The following PEBP4 variants were observed in gnomAD, a reference collection of about 807,000 sequenced individuals.
PEBP4 encodes the protein phosphatidylethanolamine binding protein 4, also known as phosphatidylethanolamine-binding protein 4.
A neutral mutation model predicts 23.9 loss-of-function variants in PEBP4; 22 were observed. The ratio of observed to expected loss-of-function variants is 0.92; its 90% CI spans 0.66 to 1.31. The LOEUF is 1.31. Among genes scored for constraint, PEBP4 ranks in the 40% most tolerant of loss-of-function variants. The pLI, the probability that PEBP4 is intolerant of heterozygous loss-of-function variation, is 0.00. For synonymous variants in PEBP4, 112 were observed against 99.3 expected (o/e 1.13, Z -0.76); for missense variants, 324 against 281.7 (o/e 1.15, Z -1.07).
intron 4 of PEBP4, among the ~76,000 whole-genome samples, chr8:22,795,163 A>ATTTTTTTTTTTTT (rs33911395): frequency 4.2e-5 from 2 of 47,342 alleles, no homozygotes; most frequent in Non-Finnish European, 6.8e-5. Context: ...ATATATATAT[A>ATTTTTTTTTTTTT]TTTTTTTTTT....
In PEBP4 at chr8:22,898,391, C is replaced by CAAAAAAAAAAAAAAA. The variant is rs536993520; in HGVS notation, c.258+21778_258+21792dup. Among the ~76,000 whole-genome samples, 11 of 7,970 alleles carry CAAAAAAAAAAAAAAA rather than the reference C, an allele frequency of 1.4e-3. 4 individuals carry two copies. Among genetic ancestry groups the CAAAAAAAAAAAAAAA allele is most frequent in the Admixed American group, 7.6e-3 (5 of 654 alleles). The allele number at this position is 7,970 out of a possible 152,430, so 5.2% of individuals were successfully genotyped here. ...TGAGCGACAGAGGAAGACTCCACCC[C>CAAAAAAAAAAAAAAA]AAAAAAAAAAAAAAAAAAAAAAAAA... On this transcript the variant is annotated intron_variant, in intron 3 of 6. Coordinates refer to ENST00000256404, the MANE Select transcript of PEBP4 (RefSeq NM_144962.3).
intron 4 of PEBP4, among the ~76,000 whole-genome samples, chr8:22,784,645 A>T (rs1805993014): frequency 6.6e-6 from 1 of 152,194 alleles, no homozygotes; most frequent in African/African-American, 2.4e-5. Flanking sequence ...GCATTTAAAT[A>T]AGCAGCCGCC....
At chr8:22,851,453 A>C (rs1807548394) in intron 3 of PEBP4, among the ~76,000 whole-genome samples, 1 of 152,190 alleles carries the variant, frequency 6.6e-6, no homozygotes, top group Admixed American at 6.5e-5. Flanking sequence ...TTTTGGAACT[A>C]GATGATGAGA....
At chr8:22,939,086 G>T (rs572525872) in intron 1 of PEBP4, among the ~76,000 whole-genome samples, 1 of 152,154 alleles carries the variant, frequency 6.6e-6, no homozygotes, top group Admixed American at 6.5e-5. Context: ...AAATGTAAAA[G>T]TATAAAAATA....
At chr8:22,898,431 A>AAAAAAC (rs1563253603) in intron 3 of PEBP4, among the ~76,000 whole-genome samples, 51 of 123,764 alleles carry the variant, frequency 4.1e-4, no homozygotes, top group African/African-American at 9.6e-4. Context: ...AAAAAAAAAA[A>AAAAAAC]CCCACCCAGT....
At chr8:22,853,610 CCTT>C (rs966959839) in intron 3 of PEBP4, among the ~76,000 whole-genome samples, 7 of 152,184 alleles carry the variant, frequency 4.6e-5, no homozygotes, top group African/African-American at 1.4e-4. Context: ...TCAGTCCTGA[CCTT>C]CTTTCAATTC....
chr8:22,931,384 C>T (rs1306411665), upstream of PEBP4, among the ~76,000 whole-genome samples: 4 of 152,064 alleles, frequency 2.6e-5, no homozygotes, highest in Admixed American at 2.0e-4. Context: ...TTAGCAGTAA[C>T]ACCCCATTCC....
chr8:22,718,089 C>A (rs1363848017), intron 6 of PEBP4, among the ~76,000 whole-genome samples: 1 of 152,142 alleles, frequency 6.6e-6, no homozygotes, highest in Non-Finnish European at 1.5e-5. Flanking sequence ...GCTGATACTG[C>A]GGGCTCCAGA....
intron 3 of PEBP4, among the ~76,000 whole-genome samples, chr8:22,830,877 T>C (rs1157291391): frequency 6.6e-6 from 1 of 152,236 alleles, no homozygotes; most frequent in Non-Finnish European, 1.5e-5. Flanking sequence ...AGCAATTTTC[T>C]ACACTGATCC....
chr8:22,871,141 A>G (rs1228683987), intron 3 of PEBP4, among the ~76,000 whole-genome samples: 3 of 152,144 alleles, frequency 2.0e-5, no homozygotes, highest in South Asian at 2.1e-4. Flanking sequence ...GGGTGGGTGG[A>G]AAAAGAAGCA....
chr8:22,761,688 C>G (rs1383022906), intron 4 of PEBP4, among the ~76,000 whole-genome samples: 2 of 152,156 alleles, frequency 1.3e-5, no homozygotes, highest in African/African-American at 4.8e-5. Flanking sequence ...TCATAAAGTA[C>G]TAATTACACA....
chr8:22,922,450 C>T (rs1470916448), intron 2 of PEBP4, among the ~76,000 whole-genome samples: 1 of 150,850 alleles, frequency 6.6e-6, no homozygotes, highest in Non-Finnish European at 1.5e-5. Context: ...CAAGACTAGG[C>T]ACGGTGGCTC....
chr8:22,837,249 T>G (rs1372723058), intron 3 of PEBP4, among the ~76,000 whole-genome samples: 2 of 152,186 alleles, frequency 1.3e-5, no homozygotes, highest in Non-Finnish European at 2.9e-5. Flanking sequence ...TAAACCTCTC[T>G]TCCTATTCAC....
chr8:22,941,026 A>G (rs1809606078), intron 1 of PEBP4, among the ~76,000 whole-genome samples: 1 of 152,082 alleles, frequency 6.6e-6, no homozygotes, highest in South Asian at 2.1e-4. Context: ...TTGGGCCCTT[A>G]AGGTAATCAG....
chr8:22,916,016 C>T (rs1809065259), intron 3 of PEBP4, among the ~76,000 whole-genome samples: 4 of 152,280 alleles, frequency 2.6e-5, no homozygotes, highest in Non-Finnish European at 5.9e-5. Flanking sequence ...GGCTAGAGGC[C>T]TGGGCTGGCA....
At chr8:22,931,410 C>A (rs1037910033), upstream of PEBP4, among the ~76,000 whole-genome samples, 1 of 152,036 alleles carries the variant, frequency 6.6e-6, no homozygotes, top group Admixed American at 6.6e-5. Context: ...ACCCCCAGCC[C>A]CTGACAACCC....
At chr8:22,780,538 T>A (rs1013577657) in intron 4 of PEBP4, among the ~76,000 whole-genome samples, 1 of 152,142 alleles carries the variant, frequency 6.6e-6, no homozygotes, top group Non-Finnish European at 1.5e-5. Flanking sequence ...GGGTTATGAC[T>A]TCGTATGGAT....
At chr8:22,882,444 T>A (rs1442914771) in intron 3 of PEBP4, among the ~76,000 whole-genome samples, 1 of 152,038 alleles carries the variant, frequency 6.6e-6, no homozygotes, top group Non-Finnish European at 1.5e-5. Flanking sequence ...AGATCCAGGA[T>A]TTGGGGTGGT....
intron 2 of PEBP4, chr8:22,925,426 C>T: frequency 4.4e-6 from 3 of 676,642 alleles, no homozygotes; most frequent in East Asian, 1.4e-4. Flanking sequence ...TACTTTTAAG[C>T]TATGTAAACA....
Sources: gnomAD v4.1 joint callset for allele counts (sites outside exome capture counted in the v4.1 genomes callset) on GRCh38, gnomAD v4.1.1 for gene constraint, MANE v1.5 for transcripts, NCBI Gene and HGNC (gene_info 2026-07-23, HGNC 2026-07-21) for gene names.